Variants in TRIM44 observed in about 807,000 individuals in gnomAD.
TRIM44 encodes tripartite motif containing 44, also known as tripartite motif-containing protein 44.
A neutral mutation model predicts 37.4 loss-of-function variants in TRIM44; 13 were observed. The ratio of observed to expected loss-of-function variants is 0.35; its 90% CI spans 0.23 to 0.55. The LOEUF (loss-of-function observed/expected upper bound fraction) is 0.55. Ranked by LOEUF, TRIM44 falls within the 20% of genes least tolerant of loss-of-function variation. The pLI is 0.89. For missense variants in TRIM44, 426 were observed against 437.2 expected, an observed-to-expected ratio of 0.97 and a Z score of 0.23; for synonymous variants, 175 against 157.2, an observed-to-expected ratio of 1.11 and a Z score of -0.85.
At chr11:35,728,240 C>T (rs1274917815) in intron 3 of TRIM44, among the ~76,000 whole-genome samples, 1 of 152,126 alleles carries the variant, frequency 6.6e-6, no homozygotes, top group Admixed American at 6.5e-5. Flanking sequence ...GCAGAAGAAT[C>T]GCTTGAACCC....
chr11:35,708,984 C>G (rs1162074982), intron 2 of TRIM44, among the ~76,000 whole-genome samples: 1 of 11,276 alleles, frequency 8.9e-5, no homozygotes, highest in Non-Finnish European at 1.3e-4. Flanking sequence ...GTTGCCATGC[C>G]CCCCCCCCAA....
intron 2 of TRIM44, among the ~76,000 whole-genome samples, chr11:35,714,797 T>C (rs1024756926): frequency 3.3e-5 from 5 of 152,176 alleles, no homozygotes; most frequent in African/African-American, 4.8e-5. Context: ...TTCTACACGA[T>C]AGTTCCCGAA....
At chr11:35,785,375 A>G (rs191974302) in intron 4 of TRIM44, among the ~76,000 whole-genome samples, 125 of 152,386 alleles carry the variant, frequency 8.2e-4, no homozygotes, top group South Asian at 2.1e-3. Flanking sequence ...CCTTGCTTCA[A>G]CCTAGAAGCC....
intron 2 of TRIM44, among the ~76,000 whole-genome samples, chr11:35,724,069 G>GA (rs1269634192): frequency 1.3e-5 from 2 of 152,212 alleles, no homozygotes; most frequent in African/African-American, 4.8e-5. Context: ...AGCACCTGCA[G>GA]AGAGTATATG....
At chr11:35,791,698 G>A (rs945641460) in intron 4 of TRIM44, among the ~76,000 whole-genome samples, 2 of 152,010 alleles carry the variant, frequency 1.3e-5, no homozygotes, top group Non-Finnish European at 1.5e-5. Context: ...TCCTTGCCCC[G>A]TTGTCTTCCT....
intron 3 of TRIM44, among the ~76,000 whole-genome samples, chr11:35,728,432 T>C (rs1367890119): frequency 6.6e-6 from 1 of 152,240 alleles, no homozygotes; most frequent in Non-Finnish European, 1.5e-5. Context: ...AGCTGTACTA[T>C]GCTTGTTAAC....
chr11:35,725,090 A>T (rs1337426401), intron 2 of TRIM44, among the ~76,000 whole-genome samples: 3 of 151,868 alleles, frequency 2.0e-5, no homozygotes, highest in Non-Finnish European at 4.4e-5. Flanking sequence ...ACACACACAC[A>T]CACACACACA....
intron 1 of TRIM44, among the ~76,000 whole-genome samples, chr11:35,680,061 C>T (rs754667975): frequency 6.6e-6 from 1 of 152,158 alleles, no homozygotes; most frequent in Non-Finnish European, 1.5e-5. Flanking sequence ...TTCAGACCCC[C>T]TGAAATCCAT....
At chr11:35,674,235 C>CGTGTGTGTGTGTGTGTGT (rs113167193) in intron 1 of TRIM44, among the ~76,000 whole-genome samples, 11 of 149,992 alleles carry the variant, frequency 7.3e-5, no homozygotes, top group African/African-American at 2.7e-4. Flanking sequence ...AGAGAATTTG[C>CGTGTGTGTGTGTGTGTGT]GTGTGTGTGT....
At chr11:35,725,825 C>T in intron 2 of TRIM44, 99 bp from the exon 3 acceptor site, 1 of 1,308,246 alleles carries the variant, frequency 7.6e-7, no homozygotes, top group Non-Finnish European at 1.1e-6. Context: ...TGGATAGGAT[C>T]CATGGTGTGT....
At chr11:35,754,704 T>TC (rs1249595227) in intron 4 of TRIM44, among the ~76,000 whole-genome samples, 1 of 139,486 alleles carries the variant, frequency 7.2e-6, no homozygotes, top group African/African-American at 2.6e-5. Flanking sequence ...CCTTCCTGTG[T>TC]CCATGAGTTC....
intron 4 of TRIM44, among the ~76,000 whole-genome samples, chr11:35,743,519 C>T (rs895002124): frequency 5.9e-5 from 9 of 152,196 alleles, no homozygotes; most frequent in Non-Finnish European, 8.8e-5. Context: ...AAGTATTCCC[C>T]TTTTGGGGGT....
At chr11:35,734,748 TA>T (rs1852308571) in intron 3 of TRIM44, among the ~76,000 whole-genome samples, 2 of 152,188 alleles carry the variant, frequency 1.3e-5, no homozygotes, top group South Asian at 4.1e-4. Flanking sequence ...AAAATAATGT[TA>T]ACACATTGTT....
chr11:35,726,090 G>A lies in TRIM44; in HGVS notation c.914G>A (p.Arg305Lys), dbSNP rs762136498. 52 of 1,613,968 alleles carry A rather than the reference G, an allele frequency of 3.2e-5. No individual in the cohort carries two copies. The highest frequency in any genetic ancestry group is 4.2e-5 in the Non-Finnish European group (49 of 1,180,020). Residue 305 changes from arginine (R) to lysine (K), a missense_variant, in exon 3 of 5, where the codon AGG becomes AAG. Physicochemically the swap from Arg to Lys is conservative, Grantham distance 26. Coordinates refer to ENST00000299413, the MANE Select transcript of TRIM44 (RefSeq NM_017583.6). Reference sequence around the variant, plus strand: ...GCAGACATCCAATCCCACATGGATAGGTTGATGACTCAGATGGCCCAAGCC... The same window carrying A: ...GCAGACATCCAATCCCACATGGATAAGTTGATGACTCAGATGGCCCAAGCC... ...ILADIQSHMD[R>K]LMTQMAQAKE...
At chr11:35,753,362 T>C (rs1413419373) in intron 4 of TRIM44, among the ~76,000 whole-genome samples, 1 of 152,214 alleles carries the variant, frequency 6.6e-6, no homozygotes, top group Admixed American at 6.5e-5. Flanking sequence ...TCAGTGTTTC[T>C]CTGCAGCTCT....
chr11:35,710,664 TC>T (rs1851958674), intron 2 of TRIM44, among the ~76,000 whole-genome samples: 1 of 152,184 alleles, frequency 6.6e-6, no homozygotes, highest in South Asian at 2.1e-4. Flanking sequence ...TAAAAGAGTT[TC>T]TAGTGATTGG....
chr11:35,699,451 C>T (rs1226028757), intron 2 of TRIM44, among the ~76,000 whole-genome samples: 2 of 152,020 alleles, frequency 1.3e-5, no homozygotes, highest in East Asian at 3.9e-4. Flanking sequence ...TGGGACGTAT[C>T]TCAAAATAAT....
chr11:35,736,285 G>A (rs537475794), intron 4 of TRIM44, among the ~76,000 whole-genome samples: 14 of 152,286 alleles, frequency 9.2e-5, no homozygotes, highest in Non-Finnish European at 1.9e-4. Flanking sequence ...GAACCTCAAT[G>A]TGTAAAAAAC....
chr11:35,702,670 C>T (rs925716309), intron 2 of TRIM44, among the ~76,000 whole-genome samples: 6 of 152,098 alleles, frequency 3.9e-5, no homozygotes, highest in African/African-American at 7.2e-5. Context: ...ATAGTTTGTG[C>T]GTGTGTGTAT....
Sources: gnomAD v4.1 joint callset for allele counts (sites outside exome capture counted in the v4.1 genomes callset) on GRCh38, gnomAD v4.1.1 for gene constraint, MANE v1.5 for transcripts, NCBI Gene and HGNC (gene_info 2026-07-23, HGNC 2026-07-21) for gene names.